Variants in PDE1C observed in about 807,000 individuals in gnomAD.
The protein encoded by PDE1C is phosphodiesterase 1C.
In PDE1C, 62 loss-of-function variants were observed where a neutral mutation model predicts 93.1. The observed-to-expected ratio is 0.67, with a 90% CI of 0.54 to 0.82. The LOEUF (loss-of-function observed/expected upper bound fraction) is 0.82. Ranked by LOEUF, PDE1C falls within the 40% of genes least tolerant of loss-of-function variation. The pLI is 0.00. For synonymous variants in PDE1C, 325 were observed against 310.1 expected, an observed-to-expected ratio of 1.05 and a Z score of -0.50; for missense variants, 742 against 884.6, an observed-to-expected ratio of 0.84 and a Z score of 2.04.
chr7:32,274,825 GC>G (rs1244903290), intron 1 of PDE1C, among the ~76,000 whole-genome samples: 2 of 152,144 alleles, frequency 1.3e-5, no homozygotes, highest in Non-Finnish European at 2.9e-5. Context: ...AGCTCATCCT[GC>G]AACATAAATT....
chr7:32,112,929 A>G (rs1267284418), intron 3 of PDE1C, among the ~76,000 whole-genome samples: 2 of 147,472 alleles, frequency 1.4e-5, no homozygotes, highest in East Asian at 2.0e-4. Flanking sequence ...GATCAGAGGC[A>G]GTAAAGACAT....
At chr7:31,668,800 T>C in the PDE1C span, among the ~76,000 whole-genome samples, 2 of 69,546 alleles carry the variant, frequency 2.9e-5, no homozygotes, top group Admixed American at 1.6e-4. Context: ...AACCAGTACA[T>C]TGTTCCCTTT....
At chr7:32,184,208 A>C (rs1202415211) in intron 2 of PDE1C, among the ~76,000 whole-genome samples, 3 of 152,208 alleles carry the variant, frequency 2.0e-5, no homozygotes, top group Admixed American at 2.0e-4. Flanking sequence ...TGGGACTGTA[A>C]ACTAGTTCAA....
chr7:31,794,021 T>TAGAC (rs1784901873), intron 16 of PDE1C, among the ~76,000 whole-genome samples: 1 of 125,604 alleles, frequency 8.0e-6, no homozygotes, highest in Admixed American at 7.8e-5. Flanking sequence ...GATAGATAGA[T>TAGAC]AGATAGATAG....
At chr7:32,217,664 G>A (rs2128851224) in intron 1 of PDE1C, among the ~76,000 whole-genome samples, 1 of 152,294 alleles carries the variant, frequency 6.6e-6, no homozygotes. Flanking sequence ...GAAAATGAAG[G>A]GAGGAGGTAG....
intron 2 of PDE1C, among the ~76,000 whole-genome samples, chr7:31,957,514 A>C (rs539747584): frequency 1.3e-5 from 2 of 152,318 alleles, no homozygotes; most frequent in South Asian, 4.1e-4. Flanking sequence ...AGCAAGGGAC[A>C]ATAGGAAGTG....
At chr7:32,411,546 G>A (rs1268189353) in intron 1 of PDE1C, among the ~76,000 whole-genome samples, 2 of 152,330 alleles carry the variant, frequency 1.3e-5, no homozygotes, top group East Asian at 3.9e-4. Flanking sequence ...GACTTACTGT[G>A]AATGCAGCTC....
chr7:32,389,113 A>G (rs953826646), intron 1 of PDE1C, among the ~76,000 whole-genome samples: 1 of 150,582 alleles, frequency 6.6e-6, no homozygotes, highest in Non-Finnish European at 1.5e-5. Flanking sequence ...GCTAGATGAA[A>G]GGCAGGTTAT....
intron 1 of PDE1C, among the ~76,000 whole-genome samples, chr7:32,294,394 G>A (rs960798016): frequency 6.6e-6 from 1 of 152,114 alleles, no homozygotes; most frequent in Non-Finnish European, 1.5e-5. Context: ...CATTCACTCC[G>A]CTAACTTCAC....
At chr7:32,238,124 G>GAATT (rs1808267591) in intron 1 of PDE1C, among the ~76,000 whole-genome samples, 1 of 152,080 alleles carries the variant, frequency 6.6e-6, no homozygotes, top group Admixed American at 6.5e-5. Flanking sequence ...CAAATCATTA[G>GAATT]AATTAATAAG....
At chr7:32,226,539 G>A (rs1562597472) in intron 1 of PDE1C, among the ~76,000 whole-genome samples, 1 of 152,178 alleles carries the variant, frequency 6.6e-6, no homozygotes, top group Non-Finnish European at 1.5e-5. Flanking sequence ...AGCGGGCCTG[G>A]GGTTTAGATG....
intron 2 of PDE1C, among the ~76,000 whole-genome samples, chr7:31,888,275 A>T (rs911556326): frequency 6.2e-5 from 9 of 146,190 alleles, no homozygotes; most frequent in Non-Finnish European, 1.1e-4. Context: ...AAAAAAAAAG[A>T]AAAGGAGAAG....
intron 3 of PDE1C, among the ~76,000 whole-genome samples, chr7:32,143,252 A>C (rs1275017221): frequency 6.6e-6 from 1 of 151,352 alleles, no homozygotes; most frequent in African/African-American, 2.4e-5. Flanking sequence ...TAGGTACTTA[A>C]GTTTTGTAAG....
At chr7:32,185,610 C>A (rs1803798957) in intron 2 of PDE1C, among the ~76,000 whole-genome samples, 1 of 152,132 alleles carries the variant, frequency 6.6e-6, no homozygotes, top group African/African-American at 2.4e-5. Flanking sequence ...CAGAGATATT[C>A]AAATTTGTTT....
intron 17 of PDE1C, 76 bp downstream of exon 17, chr7:31,775,588 C>T: frequency 1.6e-6 from 2 of 1,225,814 alleles, no homozygotes; most frequent in Non-Finnish European, 2.4e-6. Flanking sequence ...CTCAGTTTAT[C>T]AACCCAATTC....
chr7:32,260,457 A>G (rs1336310104), intron 1 of PDE1C, among the ~76,000 whole-genome samples: 1 of 152,236 alleles, frequency 6.6e-6, no homozygotes, highest in Non-Finnish European at 1.5e-5. Context: ...CCCGTGAAAC[A>G]TGGCCCTCAA....
the PDE1C span, among the ~76,000 whole-genome samples, chr7:31,630,633 A>C: frequency 1.3e-5 from 2 of 152,180 alleles, no homozygotes; most frequent in Non-Finnish European, 2.9e-5. Flanking sequence ...CATATTTACC[A>C]ATCAGTTATA....
At chr7:31,928,599 A>G (rs1563049660) in intron 2 of PDE1C, among the ~76,000 whole-genome samples, 1 of 152,222 alleles carries the variant, frequency 6.6e-6, no homozygotes, top group Non-Finnish European at 1.5e-5. Flanking sequence ...AAGAAACCCT[A>G]CAACCCAGAA....
chr7:32,235,686 C>T (rs1808024189), intron 1 of PDE1C, among the ~76,000 whole-genome samples: 1 of 151,850 alleles, frequency 6.6e-6, no homozygotes, highest in African/African-American at 2.4e-5. Context: ...TATTGTGGTC[C>T]AGGGCTGGAA....
Sources: allele counts gnomAD v4.1 joint callset (sites outside exome capture counted in the v4.1 genomes callset), GRCh38; gene constraint gnomAD v4.1.1; transcripts MANE v1.5; gene names NCBI Gene and HGNC (gene_info 2026-07-23, HGNC 2026-07-21).